WWOX: variants seen among roughly 807,000 people sequenced by gnomAD.
WWOX encodes the protein WW domain containing oxidoreductase.
WWOX carries 69 observed loss-of-function variants against 46.2 expected under a neutral mutation model. The observed-to-expected ratio is 1.49, with a 90% confidence interval of 1.23 to 1.82. The LOEUF (loss-of-function observed/expected upper bound fraction) is 1.82. Among genes scored for constraint, WWOX ranks in the 40% most tolerant of loss-of-function variants. The pLI is 0.00. For synonymous variants in WWOX, 359 were observed against 202.6 expected, an observed-to-expected ratio of 1.77 and a Z score of -6.56; for missense variants, 919 against 542.6, an observed-to-expected ratio of 1.69 and a Z score of -6.89.
At chr16:78,945,220 A>G (rs2045926550) in intron 8 of WWOX, among the ~76,000 whole-genome samples, 1 of 152,278 alleles carries the variant, frequency 6.6e-6, no homozygotes, top group East Asian at 1.9e-4. Context: ...CTTTGCCTGT[A>G]TATGTAGAAC....
At chr16:78,557,512 C>T (rs1188616794) in intron 8 of WWOX, among the ~76,000 whole-genome samples, 1 of 152,014 alleles carries the variant, frequency 6.6e-6, no homozygotes, top group Non-Finnish European at 1.5e-5. Context: ...GAGCACTGGG[C>T]CCATGGAGCC....
intron 7 of WWOX, among the ~76,000 whole-genome samples, chr16:78,430,198 A>G (rs2083182364): frequency 6.6e-6 from 1 of 152,094 alleles, no homozygotes; most frequent in African/African-American, 2.4e-5. Flanking sequence ...TAAAACCATC[A>G]GATTTCGTGA....
At chr16:78,727,734 T>G (rs1345834480) in intron 8 of WWOX, among the ~76,000 whole-genome samples, 1 of 152,078 alleles carries the variant, frequency 6.6e-6, no homozygotes, top group Non-Finnish European at 1.5e-5. Flanking sequence ...GACTTTGGAC[T>G]TGGGGATTGG....
intron 5 of WWOX, among the ~76,000 whole-genome samples, chr16:78,221,079 T>G (rs1192781609): frequency 6.6e-6 from 1 of 152,198 alleles, no homozygotes; most frequent in Non-Finnish European, 1.5e-5. Flanking sequence ...ATATATCACA[T>G]CACAGAGTTA....
intron 8 of WWOX, among the ~76,000 whole-genome samples, chr16:79,103,286 A>T (rs1349629956): frequency 6.6e-6 from 1 of 152,194 alleles, no homozygotes; most frequent in Non-Finnish European, 1.5e-5. Flanking sequence ...TATGTATTTA[A>T]TTTCTGTATG....
chr16:79,164,566 C>G (rs969500609), intron 8 of WWOX, among the ~76,000 whole-genome samples: 2 of 152,084 alleles, frequency 1.3e-5, no homozygotes, highest in East Asian at 1.9e-4. Flanking sequence ...GCGTCCAGAG[C>G]AAGAATGCAG....
chr16:78,290,277 C>G (rs1017392059), intron 5 of WWOX, among the ~76,000 whole-genome samples: 1 of 149,580 alleles, frequency 6.7e-6, no homozygotes, highest in Non-Finnish European at 1.5e-5. Context: ...GCTCCCTCCT[C>G]GTTCCCCCCC....
intron 8 of WWOX, among the ~76,000 whole-genome samples, chr16:79,009,124 G>C (rs2047249854): frequency 6.6e-6 from 1 of 152,196 alleles, no homozygotes; most frequent in Non-Finnish European, 1.5e-5. Flanking sequence ...GCCCTTCCAG[G>C]CTTAATGGAT....
chr16:78,802,187 A>G (rs866242426), intron 8 of WWOX, among the ~76,000 whole-genome samples: 9 of 107,234 alleles, frequency 8.4e-5, no homozygotes, highest in African/African-American at 2.2e-4. Flanking sequence ...TTTGTTTTAT[A>G]TTTTGTTTGT....
At chr16:78,791,405 G>C (rs1010045640) in intron 8 of WWOX, among the ~76,000 whole-genome samples, 2 of 152,292 alleles carry the variant, frequency 1.3e-5, no homozygotes, top group South Asian at 2.1e-4. Context: ...GGGCAGTGGA[G>C]ACATCATTCA....
intron 8 of WWOX, among the ~76,000 whole-genome samples, chr16:78,756,578 G>A (rs1160268128): frequency 1.3e-5 from 2 of 152,202 alleles, no homozygotes; most frequent in Admixed American, 6.6e-5. Context: ...ATGCTTTATT[G>A]ATATTCCTAT....
intron 5 of WWOX, among the ~76,000 whole-genome samples, chr16:78,339,876 G>A (rs1196583149): frequency 1.7e-5 from 2 of 115,516 alleles, no homozygotes; most frequent in African/African-American, 5.9e-5. Flanking sequence ...ATCCAAATAG[G>A]AGACTGTTCC....
intron 5 of WWOX, among the ~76,000 whole-genome samples, chr16:78,245,584 G>C (rs192897360): frequency 5.9e-5 from 9 of 152,240 alleles, no homozygotes; most frequent in Middle Eastern, 6.8e-3. Context: ...TTCTAGATGG[G>C]CCAAATAACC....
rs542234357 is a variant in WWOX, at chr16:78,977,089, C to T, written c.1057-234519C>T. On this transcript the variant is annotated intron_variant, in intron 8 of 8. Coordinates refer to ENST00000566780, the MANE Select transcript of WWOX (RefSeq NM_016373.4). The stretch of plus-strand genomic sequence containing the variant: ...GTCAACACAGGAACCTTTTTGATGC[C>T]TCCAGGCAATTTCCTACAAGCTCTA... Among the ~76,000 whole-genome samples the T allele has an allele frequency of 4.6e-5, 7 of 152,290 alleles. No individual in the cohort carries two copies. The East Asian group carries it at 1.4e-3, about 29-fold the overall frequency.
Position 78,297,963 on chromosome 16 carries a change from T to C in WWOX, c.517-88897T>C, listed in dbSNP as rs940673991. Among the ~76,000 whole-genome samples the C allele has an allele frequency of 3.3e-5, 5 of 152,182 alleles. No individual in the cohort carries two copies. The East Asian group carries it at 7.7e-4, about 23-fold the overall frequency. On this transcript the variant is annotated intron_variant, in intron 5 of 8. Coordinates refer to ENST00000566780, the MANE Select transcript of WWOX (RefSeq NM_016373.4). ...GGGGGAGGGACCTCGTGGGAGGTGA[T>C]TGAATCATGGAGACCGTTCCCCCGT...
At chr16:78,651,652 C>T (rs75418843) in intron 8 of WWOX, among the ~76,000 whole-genome samples, 2,089 of 152,326 alleles carry the variant, frequency 0.014, 45 homozygotes, top group African/African-American at 0.048. Flanking sequence ...GTCCCCAGGC[C>T]ATGACCACTG....
At chr16:78,416,851 G>C (rs916952572) in intron 6 of WWOX, among the ~76,000 whole-genome samples, 8 of 152,214 alleles carry the variant, frequency 5.3e-5, no homozygotes, top group Admixed American at 5.2e-4. Flanking sequence ...ACAACCATGG[G>C]AGGAGTATAT....
At chr16:78,386,732 A>G (rs1469888827) in intron 5 of WWOX, 128 bp from the exon 6 acceptor site, 5 of 748,124 alleles carry the variant, frequency 6.7e-6, no homozygotes, top group East Asian at 6.3e-5. Flanking sequence ...GATGATTTAT[A>G]TTCTCTCTGG....
chr16:79,010,271 C>G (rs754854019), intron 8 of WWOX, among the ~76,000 whole-genome samples: 1 of 152,132 alleles, frequency 6.6e-6, no homozygotes, highest in Non-Finnish European at 1.5e-5. Context: ...CAGAGAGGAG[C>G]AGACGAGGGA....
Sources: gnomAD v4.1 joint callset for allele counts (sites outside exome capture counted in the v4.1 genomes callset) on GRCh38, gnomAD v4.1.1 for gene constraint, MANE v1.5 for transcripts, NCBI Gene and HGNC (gene_info 2026-07-23, HGNC 2026-07-21) for gene names.